SATB2: variants seen among roughly 807,000 people sequenced by gnomAD.
The protein encoded by SATB2 is SATB homeobox 2, also known as DNA-binding protein SATB2.
SATB2 carries 1 observed loss-of-function variant against 73.4 expected under a neutral mutation model. The ratio of observed to expected loss-of-function variants is 0.01; its 90% CI spans 0.00 to 0.06. SATB2 has a LOEUF of 0.06. SATB2 is among the 10% of genes least tolerant of loss of function. The pLI, the probability that SATB2 is intolerant of heterozygous loss-of-function variation, is 1.00. For missense variants in SATB2, 459 were observed against 945.8 expected (o/e 0.49, Z 6.75); for synonymous variants, 397 against 367.0 (o/e 1.08, Z -0.93).
chr2:199,330,536 C>T lies in SATB2; in HGVS notation c.1174-1626G>A, dbSNP rs547201870. Among the ~76,000 whole-genome samples the T allele has an allele frequency of 2.8e-4, 42 of 152,194 alleles. 1 individual carries two copies. Among genetic ancestry groups the T allele is most frequent in the African/African-American group, 8.9e-4 (37 of 41,546 alleles). ...GGTAGGATGTGTATGTAAAAATAACCGACTGGTACATGATTCTTAAAACAA... is the reference window on the plus strand; with the variant it reads ...GGTAGGATGTGTATGTAAAAATAACTGACTGGTACATGATTCTTAAAACAA... On this transcript the variant is annotated intron_variant, in intron 7 of 10. Transcript: ENST00000417098.
chr2:199,344,339 T>C (rs531259918), intron 7 of SATB2, among the ~76,000 whole-genome samples: 1 of 152,258 alleles, frequency 6.6e-6, no homozygotes, highest in African/African-American at 2.4e-5. Context: ...TGCAGTAGTA[T>C]GCAACAGACT....
chr2:199,311,279 A>C (rs897493520), intron 9 of SATB2, among the ~76,000 whole-genome samples: 6 of 152,170 alleles, frequency 3.9e-5, no homozygotes, highest in Non-Finnish European at 8.8e-5. Flanking sequence ...AAGCACATTC[A>C]TGGTATTTAG....
chr2:199,375,445 C>T (rs563375705), intron 5 of SATB2, among the ~76,000 whole-genome samples: 21 of 152,300 alleles, frequency 1.4e-4, no homozygotes, highest in South Asian at 4.1e-4. Context: ...AGACAGAGAA[C>T]GGCTAAATCA....
At position 199,456,081 on chromosome 2, in the gene SATB2, T is replaced by A; in HGVS notation, c.-44A>T. 1 of 704,634 alleles carries A rather than the reference T, an allele frequency of 1.4e-6. No homozygotes were observed. Among genetic ancestry groups the A allele is most frequent in the East Asian group, 1.0e-4 (1 of 9,928 alleles). The allele number at this position is 704,634 out of a possible 1,614,324, so 43.6% of individuals were successfully genotyped here. On this transcript the variant is annotated 5_prime_UTR_variant, in exon 2 of 11. Coordinates refer to ENST00000417098, the MANE Select transcript of SATB2 (RefSeq NM_001172509.2). The stretch of plus-strand genomic sequence containing the variant: ...CAAAGTTCCCACCGGCAGGTCGCAA[T>A]AAAACGCACAGGGACCTAGGGAGGG...
intron 1 of SATB2, among the ~76,000 whole-genome samples, chr2:199,456,682 A>C (rs1470602945): frequency 1.3e-5 from 2 of 152,224 alleles, no homozygotes; most frequent in Non-Finnish European, 2.9e-5. Flanking sequence ...ATTCCACATT[A>C]ATAAGCATCC....
chr2:199,455,837 G>C lies in SATB2; in HGVS notation c.169+32C>G. ...ACCCGGGCCATTATCACTGGGCCGCGGGCTGCGCGCCTCCCTGCTCCGGGC... is the reference window on the plus strand; with the variant it reads ...ACCCGGGCCATTATCACTGGGCCGCCGGCTGCGCGCCTCCCTGCTCCGGGC... On this transcript the variant is annotated intron_variant, in intron 2 of 10. Transcript: ENST00000417098. The surrounding 1 kb of genome is among the most constrained non-coding windows in gnomAD (Gnocchi z 4.1). 2 of 1,533,892 alleles carry C rather than the reference G, an allele frequency of 1.3e-6. No individual in the cohort carries two copies. The highest frequency in any genetic ancestry group is 8.7e-7 in the Non-Finnish European group (1 of 1,146,172).
chr2:199,315,258 T>C (rs943883624), intron 9 of SATB2, among the ~76,000 whole-genome samples: 6 of 152,018 alleles, frequency 3.9e-5, no homozygotes, highest in African/African-American at 1.5e-4. Context: ...ATGAATGAGG[T>C]ATGGCAATAT....
At chr2:199,318,206 T>C (rs1350997683) in intron 9 of SATB2, among the ~76,000 whole-genome samples, 11 of 152,036 alleles carry the variant, frequency 7.2e-5, no homozygotes, top group Admixed American at 7.2e-4. Context: ...ATAGTTTCTG[T>C]TAGTCTTTAT....
rs1453451501 is a variant in SATB2 at position 199,445,158 on chromosome 2, AACCT to A, written c.169+10707_169+10710del. On this transcript the variant is annotated intron_variant, in intron 2 of 10. Coordinates refer to ENST00000417098, the MANE Select transcript of SATB2 (RefSeq NM_001172509.2). Reference sequence around the variant, plus strand: ...TTCAGTCCTACAAATATCAAACACAAACCTACAACAGTCCCGTTATGGAGCTGAG... The same window carrying A: ...TTCAGTCCTACAAATATCAAACACAAACAACAGTCCCGTTATGGAGCTGAG... Among the ~76,000 whole-genome samples the A allele has an allele frequency of 5.3e-5, 8 of 152,332 alleles. No individual in the cohort carries two copies. The East Asian group carries it at 1.3e-3, about 26-fold the overall frequency.
intron 3 of SATB2, among the ~76,000 whole-genome samples, chr2:199,429,023 A>AT (rs1691420438): frequency 6.7e-6 from 1 of 150,344 alleles, no homozygotes; most frequent in Non-Finnish European, 1.5e-5. Flanking sequence ...AAAAAAAAAA[A>AT]GAAAGAAAGA....
At chr2:199,322,794 T>TTGCTTAATAGAAATACAATAC (rs1260759634) in intron 9 of SATB2, among the ~76,000 whole-genome samples, 2 of 152,164 alleles carry the variant, frequency 1.3e-5, no homozygotes, top group African/African-American at 4.8e-5. Flanking sequence ...GAAAACCTTC[T>TTGCTTAATAGAAATACAATAC]TGCTTAATAG....
intron 7 of SATB2, among the ~76,000 whole-genome samples, chr2:199,330,515 G>A (rs535262709): frequency 9.2e-5 from 14 of 152,276 alleles, no homozygotes; most frequent in African/African-American, 1.7e-4. Context: ...GGACAAGGTA[G>A]GATGTGTATG....
chr2:199,380,136 A>G (rs1407196155), intron 5 of SATB2, among the ~76,000 whole-genome samples: 1 of 152,020 alleles, frequency 6.6e-6, no homozygotes. Context: ...AGCCTGCCTC[A>G]GCCTCCCAAA....
chr2:199,437,329 T>C (rs763326458), intron 2 of SATB2, among the ~76,000 whole-genome samples: 1 of 152,194 alleles, frequency 6.6e-6, no homozygotes, highest in African/African-American at 2.4e-5. Context: ...TGAATTCTGT[T>C]GTCAAAGAGG....
chr2:199,388,788 A>C (rs1276957291), intron 3 of SATB2, among the ~76,000 whole-genome samples: 2 of 152,124 alleles, frequency 1.3e-5, no homozygotes, highest in Non-Finnish European at 1.5e-5. Flanking sequence ...GCCTTAGAAG[A>C]ACTAAGCCTT....
intron 2 of SATB2, among the ~76,000 whole-genome samples, chr2:199,441,644 C>T (rs995797345): frequency 6.6e-6 from 1 of 152,106 alleles, no homozygotes; most frequent in Non-Finnish European, 1.5e-5. Context: ...GGACGCTAGT[C>T]CTCGCTCACT....
In SATB2 at chr2:199,455,452, C is replaced by G. The variant is rs921140207; in HGVS notation, c.169+417G>C. 6.6e-6 allele frequency among the ~76,000 whole-genome samples: 1 copy of G among 152,348 alleles called. No individual in the cohort carries two copies. Among genetic ancestry groups the G allele is most frequent in the East Asian group, 1.9e-4 (1 of 5,182 alleles). The stretch of plus-strand genomic sequence containing the variant: ...CTCACTACAAAGTAACATCAACTCT[C>G]CTTGTTCCTGTACTCGCCTGAGCAT... On this transcript the variant is annotated intron_variant, in intron 2 of 10. Coordinates refer to ENST00000417098, the MANE Select transcript of SATB2 (RefSeq NM_001172509.2). This position sits in a 1 kb window ranked among gnomAD's most constrained non-coding sequence, Gnocchi z 4.1.
intron 10 of SATB2, among the ~76,000 whole-genome samples, chr2:199,286,343 G>A (rs141864603): frequency 1.3e-5 from 2 of 152,264 alleles, no homozygotes; most frequent in East Asian, 3.9e-4. Context: ...GTACCTAGTG[G>A]CAATTATACC....
chr2:199,280,514 G>A (rs747883359), intron 10 of SATB2, among the ~76,000 whole-genome samples: 3 of 152,196 alleles, frequency 2.0e-5, no homozygotes, highest in Non-Finnish European at 2.9e-5. Context: ...AAGCAAATGG[G>A]AGAAATATTG....
Sources: allele counts gnomAD v4.1 joint callset (sites outside exome capture counted in the v4.1 genomes callset), GRCh38; gene constraint gnomAD v4.1.1; non-coding constraint Gnocchi (gnomAD v3.1); transcripts MANE v1.5; gene names NCBI Gene and HGNC (gene_info 2026-07-23, HGNC 2026-07-21).